Variants in SEPTIN4 observed in about 807,000 individuals in gnomAD.
SEPTIN4 encodes septin 4, also known as septin-4.
A neutral mutation model predicts 107.1 loss-of-function variants in SEPTIN4; 52 were observed. That is an observed-to-expected ratio of 0.49 (90% CI 0.39 to 0.61). The LOEUF (loss-of-function observed/expected upper bound fraction) is 0.61. Among genes scored for constraint, SEPTIN4 ranks in the 20% least tolerant of loss-of-function variants. The pLI is 0.00. For synonymous variants in SEPTIN4, 417 were observed against 467.0 expected (o/e 0.89, Z 1.38); for missense variants, 1,048 against 1,243.5 (o/e 0.84, Z 2.36).
In SEPTIN4 at chr17:58,542,645, C is replaced by T; in HGVS notation, c.1542G>A (p.Arg514=). Residue 514 remains arginine, a synonymous_variant, in exon 1 of 14, where the codon AGG becomes AGA. Transcript: ENST00000672673. ...ACATACCCAGGAAGAAAGCAGTAAACCTTTGAATGGGTTGTTTGCAGGTGT... is the reference window on the plus strand; with the variant it reads ...ACATACCCAGGAAGAAAGCAGTAAATCTTTGAATGGGTTGTTTGCAGGTGT... The part of the protein sequence containing the change: ...PKHTCKQPIQ[R]FTAFFLDVSE... 6.2e-7 allele frequency: 1 copy of T among 1,612,852 alleles called. No individual in the cohort carries two copies. The highest frequency in any genetic ancestry group is 8.5e-7 in the Non-Finnish European group (1 of 1,179,490).
At position 58,521,689 on chromosome 17, in the gene SEPTIN4, C is replaced by G. The variant is rs1426376173; in HGVS notation, c.2470-43G>C. 2 of 1,614,118 alleles carry G rather than the reference C, an allele frequency of 1.2e-6. No homozygotes were observed. The highest frequency in any genetic ancestry group is 1.7e-5 in the Admixed American group (1 of 60,002). On this transcript the variant is annotated intron_variant, in intron 9 of 13. Transcript: ENST00000672673. This position sits in a 1 kb window ranked among gnomAD's most constrained non-coding sequence, Gnocchi z 6.4. ...GGCCCACAGTTCTGGGGACCACATC[C>G]TTTCTAGAAGCCCACCTGATCCCCT...
chr17:58,521,881 G>A lies in SEPTIN4; in HGVS notation c.2352-28C>T. The A allele has an allele frequency of 6.2e-7, 1 of 1,614,190 alleles. No homozygotes were observed. ...GGGGAACAGGAACCTGTGACCACCTGCTAGTGGCAGCCCTGCCCCTGGTGC... is the reference window on the plus strand; with the variant it reads ...GGGGAACAGGAACCTGTGACCACCTACTAGTGGCAGCCCTGCCCCTGGTGC... On this transcript the variant is annotated intron_variant, in intron 8 of 13. Coordinates refer to ENST00000672673, the MANE Select transcript of SEPTIN4 (RefSeq NM_001368771.2). The surrounding 1 kb of genome is among the most constrained non-coding windows in gnomAD (Gnocchi z 6.4).
rs1356433645 is a variant in SEPTIN4 at position 58,543,653 on chromosome 17, T to A, written c.534A>T (p.Pro178=). The part of the protein sequence containing the change: ...LQSQILEDDP[P]SKVQNPQGVR... ...CTCCTTGGGGGTTCTGGACCTTGGA[T>A]GGTGGGTCATCTTCTAAGATTTGTG... The change falls in exon 1 of 14, where the codon CCA becomes CCT. Residue 178 remains proline (P), a synonymous_variant. Transcript: ENST00000672673. The A allele has an allele frequency of 6.2e-7, 1 of 1,614,188 alleles. No homozygotes were observed. The highest frequency in any genetic ancestry group is 1.3e-5 in the African/African-American group (1 of 75,050).
At chr17:58,527,450 C>G (rs740605) in intron 3 of SEPTIN4, 1 of 284,928 alleles carries the variant, frequency 3.5e-6, no homozygotes, top group Non-Finnish European at 6.9e-6. Flanking sequence ...GGGAAGTAGG[C>G]AGGGGAGAAG....
intron 6 of SEPTIN4, 83 bp downstream of exon 6, chr17:58,525,612 G>A (rs1378535582): frequency 7.9e-7 from 1 of 1,263,450 alleles, no homozygotes. Flanking sequence ...TCCTGCATGT[G>A]GGGGAGAGCC....
chr17:58,527,547 T>C, intron 3 of SEPTIN4: 1 of 219,596 alleles, frequency 4.6e-6, no homozygotes, highest in Non-Finnish European at 9.2e-6. Context: ...GGGTACAGAT[T>C]CTACTGCTGG....
chr17:58,527,291 T>C (rs921306868), intron 3 of SEPTIN4: 4 of 527,156 alleles, frequency 7.6e-6, no homozygotes, highest in South Asian at 6.8e-5. Context: ...CTCAGCAGCA[T>C]GTTTTTTGAG....
intron 3 of SEPTIN4, chr17:58,528,194 G>C: frequency 5.3e-6 from 1 of 189,960 alleles, no homozygotes; most frequent in African/African-American, 2.4e-5. Context: ...CTAGAGTGAG[G>C]AAGATAAGAT....
In SEPTIN4 at chr17:58,543,172, G is replaced by C. The variant is rs2043929656; in HGVS notation, c.1015C>G (p.Pro339Ala). Residue 339 changes from proline to alanine, a missense_variant, in exon 1 of 14, where the codon CCA becomes GCA. By Grantham distance (27) the Pro-to-Ala change is conservative (BLOSUM62 -1). Coordinates refer to ENST00000672673, the MANE Select transcript of SEPTIN4 (RefSeq NM_001368771.2). ...SEVGRRVTISPGVQSVEPTHH... is the reference protein window; with the variant it reads ...SEVGRRVTISAGVQSVEPTHH... The stretch of plus-strand genomic sequence containing the variant: ...GTTGGCTCTACTGACTGTACCCCTG[G>C]GGAGATGGTGACCCTGCGGCCAACC... 4 of 1,613,916 alleles carry C rather than the reference G, an allele frequency of 2.5e-6. No homozygotes were observed. Among genetic ancestry groups the C allele is most frequent in the Non-Finnish European group, 2.5e-6 (3 of 1,179,968 alleles).
Position 58,526,885 on chromosome 17 carries a change from C to T in SEPTIN4, c.1708G>A (p.Ala570Thr). ...SGNASCHPPE[A>T]KTWASRPQVP... is the part of the protein sequence containing the mutation. ...TGGGGCCTGGATGCCCAGGTCTTAG[C>T]CTCTGGTGGGTGGCAGCTCGCATTT... is the stretch of plus-strand genomic sequence containing the variant. The change falls in exon 4 of 14, where the codon GCT becomes ACT. Residue 570 changes from alanine (A) to threonine (T), a missense_variant. Transcript: ENST00000672673. The T allele has an allele frequency of 6.2e-7, 1 of 1,614,078 alleles. No individual in the cohort carries two copies. The highest frequency in any genetic ancestry group is 2.2e-5 in the East Asian group (1 of 44,874).
Position 58,520,319 on chromosome 17 carries a change from GGC to G in SEPTIN4, c.*105_*106del. 1.0e-6 allele frequency: 1 copy of G among 986,360 alleles called. No individual in the cohort carries two copies. The highest frequency in any genetic ancestry group is 1.6e-6 in the Non-Finnish European group (1 of 641,090). 61.1% of individuals were successfully genotyped at this position (986,360 alleles called of 1,614,324 possible). ...CTCTGGGCAGTCAGCAGGGATGTAA[GGC>G]GAAGTGGCAGTAGCTGAAGGGGCCT... is the stretch of plus-strand genomic sequence containing the variant. On this transcript the variant is annotated 3_prime_UTR_variant, in exon 14 of 14. Transcript: ENST00000672673.
In SEPTIN4 at chr17:58,538,067, C is replaced by T. The variant is rs183169277; in HGVS notation, c.1614+2599G>A. Among the ~76,000 whole-genome samples, 99 of 152,248 alleles carry T rather than the reference C, an allele frequency of 6.5e-4. 1 individual carries two copies. The highest frequency in any genetic ancestry group is 2.3e-3 in the African/African-American group (94 of 41,554). ...TATGGATTGCACCACTGCACTCCAA[C>T]CTGGGCAACAGAACACTTTAAAAAA... On this transcript the variant is annotated intron_variant, in intron 3 of 13. Coordinates refer to ENST00000672673, the MANE Select transcript of SEPTIN4 (RefSeq NM_001368771.2). This position sits in a 1 kb window ranked among gnomAD's most constrained non-coding sequence, Gnocchi z 4.7.
chr17:58,528,021 A>T (rs751977736), intron 3 of SEPTIN4: 28 of 985,396 alleles, frequency 2.8e-5, no homozygotes, highest in Non-Finnish European at 3.4e-5. Flanking sequence ...TTTGGGGGTC[A>T]GCCTCCTTCG....
chr17:58,531,866 G>GCGGTGC (rs1449818239), intron 3 of SEPTIN4: 3 of 1,066,630 alleles, frequency 2.8e-6, no homozygotes, highest in Non-Finnish European at 3.4e-6. Flanking sequence ...AGCCGCGGCT[G>GCGGTGC]CGGTGCCGCG....
At position 58,521,630 on chromosome 17, in the gene SEPTIN4, T is replaced by C; in HGVS notation, c.2486A>G (p.Glu829Gly). 1 of 1,614,130 alleles carries C rather than the reference T, an allele frequency of 6.2e-7. No individual in the cohort carries two copies. The highest frequency in any genetic ancestry group is 1.1e-5 in the South Asian group (1 of 91,088). ...TTGATAGATCTTGATTCCAAAATGC[T>C]CAATCTCCTCCCGGATCTGACAAAC... The part of the protein sequence containing the change: ...HKKRKIREEI[E>G]HFGIKIYQFP... Residue 829 changes from glutamate (E) to glycine (G), a missense_variant, in exon 10 of 14, where the codon GAG (glutamate) becomes GGG (glycine). Physicochemically the swap from Glu to Gly is moderately conservative, Grantham distance 98 (BLOSUM62 -2). Transcript: ENST00000672673. The surrounding 1 kb of genome is among the most constrained non-coding windows in gnomAD (Gnocchi z 6.4).
chr17:58,542,751 T>G lies in SEPTIN4; in HGVS notation c.1436A>C (p.Lys479Thr), dbSNP rs146640430. 44 of 1,614,218 alleles carry G rather than the reference T, an allele frequency of 2.7e-5. No individual in the cohort carries two copies. In the African/African-American group the frequency reaches 4.9e-4, roughly 18 times the overall value. The change falls in exon 1 of 14, where the codon AAG becomes ACG. Residue 479 changes from lysine to threonine, a missense_variant. By Grantham distance (78) the Lys-to-Thr change is moderately conservative. Around this residue, in one of 2 missense-constraint regions of SEPTIN4, gnomAD observed 787 missense variants for 871.8 expected, o/e 0.90. Transcript: ENST00000672673. ...FCEDLKFQRE[K>T]ASLSPPSPPK... ...TGGTGATGGTGGTGATAGGCTTGCC[T>G]TCTCTCTCTGGAACTTCAGATCCTC...
At chr17:58,531,098 C>G (rs1297959365) in intron 3 of SEPTIN4, 1 of 152,342 alleles carries the variant, frequency 6.6e-6, no homozygotes, top group Non-Finnish European at 1.5e-5. Context: ...GGTCCTGACA[C>G]CCTTACGTTA....
At chr17:58,539,448 C>G (rs140489791) in intron 3 of SEPTIN4, among the ~76,000 whole-genome samples, 1 of 152,270 alleles carries the variant, frequency 6.6e-6, no homozygotes, top group East Asian at 1.9e-4. Context: ...ACACCACCAT[C>G]CCCTGGCTTT....
At position 58,520,486 on chromosome 17, in the gene SEPTIN4, C is replaced by T. The variant is rs1237267403; in HGVS notation, c.2932-1G>A. ...GTAGCATCTCCTGCATCCGCCGCAG[C>T]TGGAATAGGCACAGGCATCAAAATG... is the stretch of plus-strand genomic sequence containing the variant. On this transcript the variant is annotated splice_acceptor_variant, in intron 13 of 13. Coordinates refer to ENST00000672673, the MANE Select transcript of SEPTIN4 (RefSeq NM_001368771.2). LOFTEE classifies it high-confidence loss of function. The T allele has an allele frequency of 1.9e-6, 3 of 1,613,698 alleles. No individual in the cohort carries two copies. The highest frequency in any genetic ancestry group is 2.5e-6 in the Non-Finnish European group (3 of 1,179,982).
Sources: allele counts gnomAD v4.1 joint callset (sites outside exome capture counted in the v4.1 genomes callset), GRCh38; gene constraint gnomAD v4.1.1; regional missense constraint gnomAD v4.1.1; non-coding constraint Gnocchi (gnomAD v3.1); transcripts MANE v1.5; gene names NCBI Gene and HGNC (gene_info 2026-07-23, HGNC 2026-07-21).